The following ANO4 variants were observed in gnomAD, a reference collection of about 807,000 sequenced individuals.
ANO4 encodes anoctamin-4.
A neutral mutation model predicts 141.9 loss-of-function variants in ANO4; 69 were observed. The ratio of observed to expected loss-of-function variants is 0.49; its 90% CI spans 0.40 to 0.59. The LOEUF is 0.59. ANO4 is among the 20% of genes least tolerant of loss of function. The pLI is 0.00. For missense variants in ANO4, 894 were observed against 1,162.2 expected (o/e 0.77, Z 3.36); for synonymous variants, 350 against 394.3 (o/e 0.89, Z 1.33).
chr12:100,824,896 TA>T (rs2036249420), intron 1 of ANO4, among the ~76,000 whole-genome samples: 1 of 152,078 alleles, frequency 6.6e-6, no homozygotes, highest in Non-Finnish European at 1.5e-5. Context: ...GTGCTGGTTT[TA>T]TTTTTTAACT....
chr12:100,813,641 ACT>A (rs2035572072), intron 1 of ANO4, among the ~76,000 whole-genome samples: 2 of 152,082 alleles, frequency 1.3e-5, no homozygotes, highest in South Asian at 4.1e-4. Flanking sequence ...TTGGGATAAA[ACT>A]CTGTGGGGAA....
At chr12:101,023,367 C>T (rs2046609163) in intron 9 of ANO4, among the ~76,000 whole-genome samples, 1 of 152,126 alleles carries the variant, frequency 6.6e-6, no homozygotes, top group Non-Finnish European at 1.5e-5. Context: ...CAAAGACCTC[C>T]ATGTGTTGAA....
intron 1 of ANO4, among the ~76,000 whole-genome samples, chr12:100,873,478 C>G (rs1028406507): frequency 6.6e-6 from 1 of 152,182 alleles, no homozygotes; most frequent in Non-Finnish European, 1.5e-5. Flanking sequence ...TTGTTATACA[C>G]TAGGAAAGAG....
intron 14 of ANO4, among the ~76,000 whole-genome samples, chr12:101,051,135 A>G (rs984497786): frequency 5.3e-5 from 8 of 152,230 alleles, no homozygotes; most frequent in Non-Finnish European, 1.2e-4. Flanking sequence ...CCTCCATTAT[A>G]AAATGGATTG....
At chr12:100,748,265 A>T (rs2032202491) in intron 3 of ANO4, among the ~76,000 whole-genome samples, 1 of 152,232 alleles carries the variant, frequency 6.6e-6, no homozygotes, top group African/African-American at 2.4e-5. Flanking sequence ...ATGCCAAAGG[A>T]AACAGGTTTG....
chr12:100,775,942 G>C (rs1316202273), intron 3 of ANO4, among the ~76,000 whole-genome samples: 1 of 151,542 alleles, frequency 6.6e-6, no homozygotes, highest in Non-Finnish European at 1.5e-5. Flanking sequence ...TGTGTACTGC[G>C]GCCACTGATT....
At chr12:101,019,134 A>G (rs2136485361) in intron 8 of ANO4, among the ~76,000 whole-genome samples, 1 of 152,298 alleles carries the variant, frequency 6.6e-6, no homozygotes, top group South Asian at 2.1e-4. Flanking sequence ...CTACATTTAT[A>G]TGCCTTTGCA....
At chr12:100,807,713 C>T (rs376665864) in intron 1 of ANO4, among the ~76,000 whole-genome samples, 9 of 152,096 alleles carry the variant, frequency 5.9e-5, no homozygotes, top group East Asian at 3.9e-4. Flanking sequence ...GCTTTCCCTC[C>T]GCCCCTGACA....
intron 22 of ANO4, among the ~76,000 whole-genome samples, chr12:101,100,500 T>A (rs2050149129): frequency 6.6e-6 from 1 of 152,184 alleles, no homozygotes; most frequent in Non-Finnish European, 1.5e-5. Flanking sequence ...AAGAATGATA[T>A]AACCTAGGGA....
chr12:100,803,847 C>A (rs2034837045), intron 1 of ANO4, among the ~76,000 whole-genome samples: 1 of 152,140 alleles, frequency 6.6e-6, no homozygotes, highest in African/African-American at 2.4e-5. Flanking sequence ...CATTATCTAA[C>A]AATTGTTAAC....
intron 1 of ANO4, among the ~76,000 whole-genome samples, chr12:100,862,758 A>C (rs544641196): frequency 6.6e-6 from 1 of 152,302 alleles, no homozygotes; most frequent in South Asian, 2.1e-4. Context: ...ATGACATTAT[A>C]ATGGCTATGA....
intron 3 of ANO4, among the ~76,000 whole-genome samples, chr12:100,932,167 C>T (rs572645377): frequency 1.3e-5 from 2 of 152,012 alleles, no homozygotes; most frequent in South Asian, 2.1e-4. Context: ...TCTTCAATGA[C>T]CTGTAATTTC....
chr12:101,052,164 C>T (rs972248917), intron 14 of ANO4, among the ~76,000 whole-genome samples: 2 of 152,108 alleles, frequency 1.3e-5, no homozygotes, highest in African/African-American at 4.8e-5. Flanking sequence ...TTTGTAGCAA[C>T]TGGGAGGGCC....
chr12:100,869,300 G>C (rs560495714), intron 1 of ANO4, among the ~76,000 whole-genome samples: 19 of 152,260 alleles, frequency 1.2e-4, no homozygotes, highest in Non-Finnish European at 2.2e-4. Context: ...AGGGATGTAG[G>C]CTGTCTCATA....
chr12:101,121,059 TTTTTTC>T (rs1174745184), intron 26 of ANO4, among the ~76,000 whole-genome samples: 8 of 152,196 alleles, frequency 5.3e-5, no homozygotes, highest in South Asian at 2.1e-4. Flanking sequence ...GATTCATTCT[TTTTTTC>T]TTTTTCTTTT....
chr12:100,818,507 A>G (rs2035856656), intron 1 of ANO4, among the ~76,000 whole-genome samples: 1 of 151,942 alleles, frequency 6.6e-6, no homozygotes, highest in East Asian at 1.9e-4. Context: ...GTCAATAATA[A>G]TACTTTAGCA....
In ANO4 at chr12:101,128,323, C is replaced by T. The variant is rs2051410691; in HGVS notation, c.*467C>T. On this transcript the variant is annotated 3_prime_UTR_variant, in exon 28 of 28. Coordinates refer to ENST00000392977, the MANE Select transcript of ANO4 (RefSeq NM_001286615.2). ...AACAACACAGACAAGACCCTGTTTA[C>T]AACTTTTTCTTTCCTTTTTTTTAAT... 6.6e-6 allele frequency: 1 copy of T among 152,562 alleles called. No homozygotes were observed. 9.5% of individuals were successfully genotyped at this position (152,562 alleles called of 1,614,324 possible). A position where few individuals can be genotyped will look rare whatever the true frequency, so the allele number is the denominator to read the frequency against.
At chr12:100,790,039 T>A (rs1184563146), upstream of ANO4, among the ~76,000 whole-genome samples, 6 of 152,122 alleles carry the variant, frequency 3.9e-5, no homozygotes, top group Non-Finnish European at 7.4e-5. Context: ...GGCATTGAAC[T>A]GGGCCTTGAA....
At chr12:100,870,968 G>A (rs780371124) in intron 1 of ANO4, among the ~76,000 whole-genome samples, 4 of 151,994 alleles carry the variant, frequency 2.6e-5, no homozygotes, top group Non-Finnish European at 5.9e-5. Context: ...CCTTCATTTC[G>A]TTATTGCTAC....
Sources: allele counts gnomAD v4.1 joint callset (sites outside exome capture counted in the v4.1 genomes callset), GRCh38; gene constraint gnomAD v4.1.1; transcripts MANE v1.5; gene names NCBI Gene and HGNC (gene_info 2026-07-23, HGNC 2026-07-21).